Variants in DPF3 observed in about 807,000 individuals in gnomAD.
DPF3 encodes the protein double PHD fingers 3.
Under a neutral mutation model 56.8 loss-of-function variants are expected in DPF3, and 18 were observed. The ratio of observed to expected loss-of-function variants is 0.32; its 90% CI spans 0.22 to 0.47. The LOEUF (loss-of-function observed/expected upper bound fraction) is 0.47, where lower values mean the gene tolerates loss of function less well. Among genes scored for constraint, DPF3 ranks in the 20% least tolerant of loss-of-function variants. The pLI, the probability that DPF3 is intolerant of heterozygous loss-of-function variation, is 1.00. For missense variants in DPF3, 403 were observed against 488.8 expected (o/e 0.82, Z 1.65); for synonymous variants, 188 against 180.2 (o/e 1.04, Z -0.35).
intron 8 of DPF3, among the ~76,000 whole-genome samples, chr14:72,649,794 T>C (rs893145409): frequency 1.3e-5 from 2 of 152,196 alleles, no homozygotes; most frequent in Non-Finnish European, 2.9e-5. Flanking sequence ...GTCTCCATTT[T>C]ATAGACAAAG....
intron 6 of DPF3, among the ~76,000 whole-genome samples, chr14:72,697,606 T>C (rs1192461252): frequency 6.6e-6 from 1 of 152,142 alleles, no homozygotes; most frequent in African/African-American, 2.4e-5. Flanking sequence ...GGCTTTATCC[T>C]GACAATGGGG....
intron 6 of DPF3, among the ~76,000 whole-genome samples, chr14:72,704,306 T>C (rs1888313868): frequency 1.3e-5 from 2 of 152,214 alleles, no homozygotes; most frequent in South Asian, 4.1e-4. Context: ...ATTTAAATAA[T>C]AAATGTCATT....
intron 4 of DPF3, among the ~76,000 whole-genome samples, chr14:72,727,894 T>G (rs1889474191): frequency 6.6e-6 from 1 of 152,174 alleles, no homozygotes; most frequent in Non-Finnish European, 1.5e-5. Flanking sequence ...ACACGTAAAC[T>G]CATTTGACTT....
At chr14:72,884,971 T>TATA (rs10523148) in intron 1 of DPF3, among the ~76,000 whole-genome samples, 40 of 111,588 alleles carry the variant, frequency 3.6e-4, no homozygotes, top group Admixed American at 5.9e-4. Context: ...TATATATATA[T>TATA]TAGCCGGGCG....
rs781035263 is a variant in DPF3, at chr14:72,693,064, G to A, written c.742+12C>T. ...CTTCTTCACTGCCCCAACCTAACAA[G>A]TAGGCACTCACGCCTGTGGTTCTCA... On this transcript the variant is annotated intron_variant, in intron 7 of 10. Coordinates refer to ENST00000556509, the MANE Select transcript of DPF3 (RefSeq NM_001280542.3). The A allele has an allele frequency of 1.1e-5, 18 of 1,613,804 alleles. No individual in the cohort carries two copies. The South Asian group carries it at 1.9e-4, about 17-fold the overall frequency.
At chr14:72,631,899 T>C (rs1885191680) in intron 8 of DPF3, among the ~76,000 whole-genome samples, 1 of 152,186 alleles carries the variant, frequency 6.6e-6, no homozygotes, top group Admixed American at 6.5e-5. Flanking sequence ...CTGAGAAAGA[T>C]CTTTAAGCTG....
rs755146119 is a variant in DPF3, at chr14:72,840,953, G to C, written c.32+53104C>G. On this transcript the variant is annotated intron_variant, in intron 1 of 10. Coordinates refer to ENST00000556509, the MANE Select transcript of DPF3 (RefSeq NM_001280542.3). ...CTGCTCCTAGAAATACAAATTCCCA[G>C]GCATGGGTCTGGCTTCCAAACTCTA... Among the ~76,000 whole-genome samples the C allele has an allele frequency of 2.8e-4, 43 of 152,134 alleles. 1 individual carries two copies. Among genetic ancestry groups the C allele is most frequent in the Non-Finnish European group, 5.7e-4 (39 of 68,026 alleles).
At chr14:72,858,505 T>C (rs538977402) in intron 1 of DPF3, among the ~76,000 whole-genome samples, 10 of 152,238 alleles carry the variant, frequency 6.6e-5, no homozygotes, top group African/African-American at 2.2e-4. Flanking sequence ...TCGTATTCCA[T>C]CAGATGATTG....
chr14:72,665,445 A>T (rs1886402209), intron 8 of DPF3, among the ~76,000 whole-genome samples: 1 of 152,236 alleles, frequency 6.6e-6, no homozygotes, highest in Non-Finnish European at 1.5e-5. Flanking sequence ...CAAATGTCTG[A>T]GTCACCAGTA....
intron 3 of DPF3, among the ~76,000 whole-genome samples, chr14:72,745,724 T>C (rs2139886025): frequency 6.6e-6 from 1 of 152,252 alleles, no homozygotes; most frequent in Admixed American, 6.5e-5. Context: ...CCTCACCTCC[T>C]AGGAATTTGC....
At chr14:72,743,067 G>A (rs1890193655) in intron 3 of DPF3, among the ~76,000 whole-genome samples, 1 of 152,144 alleles carries the variant, frequency 6.6e-6, no homozygotes, top group African/African-American at 2.4e-5. Context: ...ACATGGGATG[G>A]GGGCGATCAT....
intron 7 of DPF3, among the ~76,000 whole-genome samples, chr14:72,692,715 A>G (rs1038706095): frequency 2.6e-5 from 4 of 152,222 alleles, no homozygotes; most frequent in Admixed American, 6.5e-5. Flanking sequence ...TGACACACCT[A>G]TTACCTATGC....
At chr14:72,756,807 TGAAA>T (rs1292830444) in intron 2 of DPF3, among the ~76,000 whole-genome samples, 101 of 87,022 alleles carry the variant, frequency 1.2e-3, no homozygotes, top group Admixed American at 1.8e-3. Context: ...CAAGATTCTG[TGAAA>T]GAAAGAAAGA....
At chr14:72,707,829 C>A in intron 6 of DPF3, among the ~76,000 whole-genome samples, 1 of 148,048 alleles carries the variant, frequency 6.8e-6, no homozygotes, top group African/African-American at 2.5e-5. Flanking sequence ...TTTTTTGAGA[C>A]TGCGTTTTGC....
chr14:72,876,052 GAA>G (rs1189734149), intron 1 of DPF3, among the ~76,000 whole-genome samples: 1 of 152,226 alleles, frequency 6.6e-6, no homozygotes, highest in Non-Finnish European at 1.5e-5. Context: ...AGAAGAAGAA[GAA>G]GAGGAGGAGG....
chr14:72,753,442 C>T, intron 2 of DPF3, 71 bp from the exon 3 acceptor site: 1 of 1,247,946 alleles, frequency 8.0e-7, no homozygotes, highest in South Asian at 1.5e-5. Context: ...CCCTGACTAA[C>T]CCCGTCATTC....
In DPF3 at chr14:72,724,715, T is replaced by TG. The variant is rs201549979; in HGVS notation, c.430-988_430-987insC. Among the ~76,000 whole-genome samples the TG allele has an allele frequency of 5.8e-3, 862 of 149,414 alleles. 2 individuals are homozygous for TG. The highest frequency in any genetic ancestry group is 0.024 in the Middle Eastern group (7 of 290). Reference sequence around the variant, plus strand: ...GGCCCAGAGGGGTTTTTGTTTGTTTTTTTTTTTTTCTGAGACAGGGACTCA... The same window carrying TG: ...GGCCCAGAGGGGTTTTTGTTTGTTTTGTTTTTTTTTCTGAGACAGGGACTCA... On this transcript the variant is annotated intron_variant, in intron 4 of 10. Transcript: ENST00000556509.
rs576333477 is a variant in DPF3, at chr14:72,799,590, C to T, written c.33-27697G>A. Among the ~76,000 whole-genome samples the T allele has an allele frequency of 2.6e-5, 4 of 152,052 alleles. 1 individual carries two copies. Among genetic ancestry groups the T allele is most frequent in the African/African-American group, 9.6e-5 (4 of 41,478 alleles). On this transcript the variant is annotated intron_variant, in intron 1 of 10. Coordinates refer to ENST00000556509, the MANE Select transcript of DPF3 (RefSeq NM_001280542.3). ...AGGATCGCTTGAGCCCAGTGAGCCA[C>T]GATTGCACCACAGCACTCCAACCTG...
At chr14:72,661,848 T>G in intron 8 of DPF3, 1 of 961,416 alleles carries the variant, frequency 1.0e-6, no homozygotes, top group Non-Finnish European at 1.2e-6. Flanking sequence ...GATGCTTTTA[T>G]TTTTGCTTTT....
Sources: gnomAD v4.1 joint callset for allele counts (sites outside exome capture counted in the v4.1 genomes callset) on GRCh38, gnomAD v4.1.1 for gene constraint, MANE v1.5 for transcripts, NCBI Gene and HGNC (gene_info 2026-07-23, HGNC 2026-07-21) for gene names.